The following TEX9 variants were observed in gnomAD, a reference collection of about 807,000 sequenced individuals.
The protein encoded by TEX9 is testis expressed 9.
A neutral mutation model predicts 59.6 loss-of-function variants in TEX9; 74 were observed. The ratio of observed to expected loss-of-function variants is 1.24; its 90% CI spans 1.03 to 1.51. TEX9 has a LOEUF of 1.51. Among genes scored for constraint, TEX9 ranks in the 40% most tolerant of loss-of-function variants. TEX9 has a pLI of 0.00. For synonymous variants in TEX9, 186 were observed against 152.2 expected, an observed-to-expected ratio of 1.22 and a Z score of -1.64; for missense variants, 522 against 447.8, an observed-to-expected ratio of 1.17 and a Z score of -1.49.
chr15:56,434,257 C>G, intron 12 of TEX9: 1 of 1,613,932 alleles, frequency 6.2e-7, no homozygotes, highest in Non-Finnish European at 8.5e-7. Context: ...TCATCCTCAG[C>G]AAATTTAGCT....
intron 1 of TEX9, among the ~76,000 whole-genome samples, chr15:56,356,139 A>T (rs2046680257): frequency 6.6e-6 from 1 of 152,130 alleles, no homozygotes; most frequent in Non-Finnish European, 1.5e-5. Flanking sequence ...CTCGTTATAC[A>T]AGGTGGAACC....
intron 1 of TEX9, among the ~76,000 whole-genome samples, chr15:56,254,738 C>A (rs1375593987): frequency 2.0e-5 from 3 of 151,086 alleles, no homozygotes; most frequent in African/African-American, 4.8e-5. Context: ...AATACAAATT[C>A]TTTTTATAAA....
chr15:56,387,790 G>A (rs568021456), intron 4 of TEX9, among the ~76,000 whole-genome samples: 62 of 152,078 alleles, frequency 4.1e-4, no homozygotes, highest in African/African-American at 1.4e-3. Flanking sequence ...AGGTTGTAGT[G>A]TGAAAACAGC....
intron 9 of TEX9, among the ~76,000 whole-genome samples, chr15:56,406,895 T>A (rs1341755557): frequency 6.6e-6 from 1 of 152,210 alleles, no homozygotes; most frequent in East Asian, 1.9e-4. Flanking sequence ...CAACAGTGTG[T>A]TTCAAAAGAC....
At chr15:56,322,615 T>G (rs1387589309) in intron 1 of TEX9, among the ~76,000 whole-genome samples, 1 of 152,142 alleles carries the variant, frequency 6.6e-6, no homozygotes, top group Non-Finnish European at 1.5e-5. Context: ...GAAGGTGAGC[T>G]GAAGTTGGTG....
chr15:56,335,904 T>C (rs1364996653), intron 1 of TEX9, among the ~76,000 whole-genome samples: 1 of 152,204 alleles, frequency 6.6e-6, no homozygotes, highest in African/African-American at 2.4e-5. Context: ...TGCAAAATAT[T>C]ATATGATTGT....
intron 1 of TEX9, among the ~76,000 whole-genome samples, chr15:56,320,756 G>C (rs1402171): frequency 0.46 from 70,531 of 151,954 alleles, 18,881 homozygotes; most frequent in Non-Finnish European, 0.6. Context: ...AGTAAAAAAT[G>C]TGCTATGATA....
At chr15:56,365,862 A>G in intron 2 of TEX9, 192 bp downstream of exon 2, 2 of 1,407,606 alleles carry the variant, frequency 1.4e-6, no homozygotes, top group Middle Eastern at 2.0e-4. Flanking sequence ...GCGTATTAGA[A>G]GATATTTGAA....
intron 1 of TEX9, among the ~76,000 whole-genome samples, chr15:56,290,202 G>T (rs188827669): frequency 1.5e-3 from 223 of 152,218 alleles, no homozygotes; most frequent in African/African-American, 5.1e-3. Flanking sequence ...GCTGCTTCTT[G>T]TGTGTCTGTT....
intron 9 of TEX9, among the ~76,000 whole-genome samples, chr15:56,405,722 A>G (rs1596198569): frequency 6.6e-6 from 1 of 152,210 alleles, no homozygotes; most frequent in East Asian, 1.9e-4. Context: ...CTCATTTTAT[A>G]TCTCTATACA....
intron 1 of TEX9, among the ~76,000 whole-genome samples, chr15:56,320,397 C>G (rs1347132076): frequency 1.3e-5 from 2 of 152,164 alleles, no homozygotes; most frequent in Non-Finnish European, 2.9e-5. Context: ...AATTTAGTTT[C>G]TGGTAAGGGC....
intron 1 of TEX9, among the ~76,000 whole-genome samples, chr15:56,293,621 G>A (rs1413497231): frequency 2.0e-5 from 3 of 152,176 alleles, no homozygotes; most frequent in African/African-American, 7.2e-5. Flanking sequence ...GCTTTGGGCC[G>A]CAGGGTATCA....
intron 3 of TEX9, among the ~76,000 whole-genome samples, chr15:56,376,197 T>G (rs1273908642): frequency 6.6e-6 from 1 of 151,878 alleles, no homozygotes; most frequent in African/African-American, 2.4e-5. Context: ...ATTGTGCACA[T>G]GTACCCTAAA....
chr15:56,377,555 A>G (rs531622345), intron 3 of TEX9, among the ~76,000 whole-genome samples: 43 of 152,126 alleles, frequency 2.8e-4, no homozygotes, highest in African/African-American at 9.6e-4. Context: ...GATTGTTGAC[A>G]TACAGACACA....
At chr15:56,292,557 C>T (rs539361847) in intron 1 of TEX9, among the ~76,000 whole-genome samples, 1 of 152,250 alleles carries the variant, frequency 6.6e-6, no homozygotes, top group East Asian at 1.9e-4. Flanking sequence ...CAGGGCAAAC[C>T]TAGACCACTG....
intron 12 of TEX9, among the ~76,000 whole-genome samples, chr15:56,442,597 A>T (rs1428188253): frequency 6.6e-6 from 1 of 152,224 alleles, no homozygotes; most frequent in Non-Finnish European, 1.5e-5. Flanking sequence ...GTCAACATGG[A>T]TGGAGCTGGA....
intron 9 of TEX9, among the ~76,000 whole-genome samples, chr15:56,403,963 C>T (rs1182406473): frequency 3.9e-5 from 6 of 152,166 alleles, no homozygotes; most frequent in Non-Finnish European, 7.3e-5. Context: ...CTTCCTTACA[C>T]GTTATACGAA....
chr15:56,443,971 A>G, intron 12 of TEX9: 2 of 817,594 alleles, frequency 2.4e-6, no homozygotes, highest in East Asian at 2.8e-5. Flanking sequence ...CGTGCATGCA[A>G]CAAACATTTT....
At chr15:56,331,964 G>A (rs1455127635) in intron 1 of TEX9, among the ~76,000 whole-genome samples, 3 of 130,686 alleles carry the variant, frequency 2.3e-5, no homozygotes, top group Admixed American at 1.6e-4. Flanking sequence ...AAAAAGTCAG[G>A]AAACAACAGG....
Sources: allele counts gnomAD v4.1 joint callset (sites outside exome capture counted in the v4.1 genomes callset), GRCh38; gene constraint gnomAD v4.1.1; transcripts MANE v1.5; gene names NCBI Gene and HGNC (gene_info 2026-07-23, HGNC 2026-07-21).